The following ANO4 variants were observed in gnomAD, a reference collection of about 807,000 sequenced individuals.
ANO4 encodes anoctamin-4.
A neutral mutation model predicts 141.9 loss-of-function variants in ANO4; 69 were observed. The ratio of observed to expected loss-of-function variants is 0.49; its 90% CI spans 0.40 to 0.59. The LOEUF is 0.59. Ranked by LOEUF, ANO4 falls within the 20% of genes least tolerant of loss-of-function variation. The pLI, the probability that ANO4 is intolerant of heterozygous loss-of-function variation, is 0.00. For synonymous variants in ANO4, 350 were observed against 394.3 expected (o/e 0.89, Z 1.33); for missense variants, 894 against 1,162.2 (o/e 0.77, Z 3.36).
chr12:101,027,596 T>C (rs770431803), intron 9 of ANO4, among the ~76,000 whole-genome samples: 3 of 152,194 alleles, frequency 2.0e-5, no homozygotes, highest in Non-Finnish European at 4.4e-5. Context: ...TGTGGCAGAC[T>C]GCAACAAGAG....
intron 8 of ANO4, among the ~76,000 whole-genome samples, chr12:101,017,460 G>T (rs1275795168): frequency 6.6e-6 from 1 of 152,194 alleles, no homozygotes; most frequent in Non-Finnish European, 1.5e-5. Context: ...CAGAGTGAGG[G>T]CATGGAAGTC....
chr12:100,974,904 C>G lies in ANO4; in HGVS notation c.602+15C>G, dbSNP rs747258486. 2.4e-5 allele frequency: 39 copies of G among 1,613,706 alleles called. No individual in the cohort carries two copies. Among genetic ancestry groups the G allele is most frequent in the Non-Finnish European group, 8.5e-6 (10 of 1,179,744 alleles). On this transcript the variant is annotated intron_variant, in intron 7 of 27. Coordinates refer to ENST00000392977, the MANE Select transcript of ANO4 (RefSeq NM_001286615.2). ...TTCATGAGCAGGTTAGTAGCACGCT[C>G]TGTCCTGACAGTGTTTGTCTTTCTG...
chr12:101,006,398 A>T lies in ANO4; in HGVS notation c.735-13636A>T, dbSNP rs539108767. 2.0e-4 allele frequency among the ~76,000 whole-genome samples: 31 copies of T among 152,324 alleles called. 1 individual carries two copies. In the South Asian group the frequency reaches 6.0e-3, roughly 30 times the overall value. On this transcript the variant is annotated intron_variant, in intron 8 of 27. Transcript: ENST00000392977. ...TGGGTGAATAAGACCCCAAAATTTG[A>T]CTATTGCTTCTTTCTTAAGACCTGT...
chr12:100,853,537 A>AT (rs2037997650), intron 1 of ANO4, among the ~76,000 whole-genome samples: 1 of 152,050 alleles, frequency 6.6e-6, no homozygotes, highest in African/African-American at 2.4e-5. Context: ...CTATTGGTCT[A>AT]TTTGTCAATC....
chr12:101,083,764 A>T lies in ANO4; in HGVS notation c.1482A>T (p.Ala494=). 1 of 1,603,120 alleles carries T rather than the reference A, an allele frequency of 6.2e-7. No individual in the cohort carries two copies. Among genetic ancestry groups the T allele is most frequent in the Admixed American group, 1.8e-5 (1 of 56,216 alleles). ...CTGGAAAGCCAGAACCTTATCAAGC[A>T]TTTACAGATAAATGCAGCAGACTTA... ...PISGKPEPYQ[A]FTDKCSRLIV... The change falls in exon 16 of 28, where the codon GCA becomes GCT. Residue 494 remains alanine, a synonymous_variant. Transcript: ENST00000392977.
At position 101,027,656 on chromosome 12, in the gene ANO4, C is replaced by G. The variant is rs529446557; in HGVS notation, c.841+7516C>G. 2.0e-5 allele frequency among the ~76,000 whole-genome samples: 3 copies of G among 152,280 alleles called. No homozygotes were observed. The East Asian group carries it at 5.8e-4, about 29-fold the overall frequency. ...CTTCCTCACTTCCTATATGGTGGGGCTTCCCTACAGGAACTCCAATAACTC... is the reference window on the plus strand; with the variant it reads ...CTTCCTCACTTCCTATATGGTGGGGGTTCCCTACAGGAACTCCAATAACTC... On this transcript the variant is annotated intron_variant, in intron 9 of 27. Coordinates refer to ENST00000392977, the MANE Select transcript of ANO4 (RefSeq NM_001286615.2).
At chr12:100,869,643 G>A (rs552488161) in intron 1 of ANO4, among the ~76,000 whole-genome samples, 22 of 152,286 alleles carry the variant, frequency 1.4e-4, no homozygotes, top group Non-Finnish European at 2.4e-4. Context: ...CATATCTGCC[G>A]TGGGACTCTG....
At chr12:101,062,240 A>AT (rs1012997341) in intron 14 of ANO4, among the ~76,000 whole-genome samples, 1 of 152,024 alleles carries the variant, frequency 6.6e-6, no homozygotes, top group African/African-American at 2.4e-5. Context: ...ATTGCTGCCT[A>AT]TTTTTTCCTC....
intron 24 of ANO4, among the ~76,000 whole-genome samples, chr12:101,114,630 G>T (rs915058647): frequency 6.6e-6 from 1 of 152,080 alleles, no homozygotes; most frequent in African/African-American, 2.4e-5. Context: ...AGTGCAGGAG[G>T]GGTTATGAAT....
chr12:100,812,671 G>T lies in ANO4; in HGVS notation c.-141+17644G>T, dbSNP rs1354935972. On this transcript the variant is annotated intron_variant, in intron 1 of 27. Coordinates refer to ENST00000392977, the MANE Select transcript of ANO4 (RefSeq NM_001286615.2). Reference sequence around the variant, plus strand: ...AGCTTTCAATCAGCCAGAGGGAAAAGAACAGGCTTATGGGGGTAAAGATAA... The same window carrying T: ...AGCTTTCAATCAGCCAGAGGGAAAATAACAGGCTTATGGGGGTAAAGATAA... Among the ~76,000 whole-genome samples the T allele has an allele frequency of 3.9e-5, 6 of 152,274 alleles. No homozygotes were observed. The South Asian group carries it at 1.2e-3, about 32-fold the overall frequency.
At chr12:101,121,777 T>A (rs2051105957) in intron 26 of ANO4, among the ~76,000 whole-genome samples, 1 of 121,668 alleles carries the variant, frequency 8.2e-6, no homozygotes, top group South Asian at 2.6e-4. Context: ...TTTTTTTTTT[T>A]TTTAAGACTG....
chr12:101,054,527 T>G (rs913994798), intron 14 of ANO4, among the ~76,000 whole-genome samples: 1 of 152,124 alleles, frequency 6.6e-6, no homozygotes, highest in Non-Finnish European at 1.5e-5. Context: ...TGAGACGGAG[T>G]CTCGCTCTGT....
intron 1 of ANO4, among the ~76,000 whole-genome samples, chr12:100,837,720 T>TA (rs66789704): frequency 0.51 from 62,266 of 121,982 alleles, 16,057 homozygotes; most frequent in Admixed American, 0.59. Context: ...ACCTTGTCTC[T>TA]AAAAAAAAAA....
intron 1 of ANO4, among the ~76,000 whole-genome samples, chr12:100,840,017 G>A (rs1346713842): frequency 2.0e-5 from 3 of 152,064 alleles, no homozygotes; most frequent in Admixed American, 6.6e-5. Flanking sequence ...TTTGTAATCA[G>A]ATGCTGCTGA....
At chr12:100,755,403 A>G (rs2032562345) in intron 3 of ANO4, among the ~76,000 whole-genome samples, 1 of 152,168 alleles carries the variant, frequency 6.6e-6, no homozygotes, top group South Asian at 2.1e-4. Context: ...ATGATTAGCC[A>G]CCATGAATCA....
chr12:101,063,753 T>TTC (rs2048453437), intron 14 of ANO4, among the ~76,000 whole-genome samples: 1 of 130,670 alleles, frequency 7.7e-6, no homozygotes, highest in Non-Finnish European at 1.6e-5. Flanking sequence ...ATCTTTTTTT[T>TTC]TTTTTTTTTT....
chr12:100,831,281 G>T (rs557466060), intron 1 of ANO4, among the ~76,000 whole-genome samples: 102 of 152,194 alleles, frequency 6.7e-4, no homozygotes, highest in African/African-American at 2.3e-3. Context: ...TGACACTTGC[G>T]TATTGTGCAT....
At chr12:100,878,957 A>G (rs545451749) in intron 1 of ANO4, among the ~76,000 whole-genome samples, 2 of 152,314 alleles carry the variant, frequency 1.3e-5, no homozygotes, top group South Asian at 2.1e-4. Context: ...TCAAGTAACC[A>G]ACCCCTGGGA....
chr12:100,761,900 C>T (rs1214960114), intron 3 of ANO4, among the ~76,000 whole-genome samples: 1 of 152,140 alleles, frequency 6.6e-6, no homozygotes, highest in East Asian at 1.9e-4. Flanking sequence ...CCCACCTGTA[C>T]CCATGGCTCC....
Sources: allele counts gnomAD v4.1 joint callset (sites outside exome capture counted in the v4.1 genomes callset), GRCh38; gene constraint gnomAD v4.1.1; transcripts MANE v1.5; gene names NCBI Gene and HGNC (gene_info 2026-07-23, HGNC 2026-07-21).